The following RPS6KA5 variants were observed in gnomAD, a reference collection of about 807,000 sequenced individuals.
RPS6KA5 encodes the protein ribosomal protein S6 kinase alpha-5.
In RPS6KA5, 27 loss-of-function variants were observed where a neutral mutation model predicts 85.5. The ratio of observed to expected loss-of-function variants is 0.32; its 90% confidence interval spans 0.23 to 0.44. The LOEUF is 0.44. RPS6KA5 is among the 20% of genes least tolerant of loss of function. RPS6KA5 has a pLI of 1.00. For missense variants in RPS6KA5, 811 were observed against 980.9 expected, an observed-to-expected ratio of 0.83 and a Z score of 2.31; for synonymous variants, 334 against 348.2, an observed-to-expected ratio of 0.96 and a Z score of 0.46.
chr14:91,026,737 T>G (rs181185152), intron 1 of RPS6KA5, among the ~76,000 whole-genome samples: 10 of 152,368 alleles, frequency 6.6e-5, no homozygotes, highest in Non-Finnish European at 1.2e-4. Context: ...CTAATTTACA[T>G]TCTCATCAAT....
intron 5 of RPS6KA5, among the ~76,000 whole-genome samples, chr14:90,927,177 AATAG>A (rs2036721561): frequency 6.6e-6 from 1 of 152,150 alleles, no homozygotes; most frequent in Non-Finnish European, 1.5e-5. Flanking sequence ...TGTGTATAAA[AATAG>A]ATAAGTAAAT....
intron 2 of RPS6KA5, among the ~76,000 whole-genome samples, chr14:90,983,787 T>TTCTTTCTCTC (rs1376090596): frequency 7.7e-6 from 1 of 129,414 alleles, no homozygotes; most frequent in East Asian, 2.4e-4. Flanking sequence ...CTTTCTTTCT[T>TTCTTTCTCTC]TCTCTCTCTC....
chr14:90,941,002 G>C (rs1455068614), intron 5 of RPS6KA5, among the ~76,000 whole-genome samples: 1 of 152,136 alleles, frequency 6.6e-6, no homozygotes, highest in Non-Finnish European at 1.5e-5. Context: ...GTTGGGGACT[G>C]CTGATCTAGC....
chr14:90,890,755 T>C, intron 13 of RPS6KA5, 77 bp from the exon 14 acceptor site: 1 of 1,311,764 alleles, frequency 7.6e-7, no homozygotes. Flanking sequence ...ATGTAACACT[T>C]TGTATATTGA....
intron 1 of RPS6KA5, among the ~76,000 whole-genome samples, chr14:91,030,308 T>G (rs961151808): frequency 6.6e-6 from 1 of 152,034 alleles, no homozygotes; most frequent in African/African-American, 2.4e-5. Context: ...AAGGATGAGG[T>G]AAGAACGGAA....
chr14:91,034,230 G>A (rs12896063), intron 1 of RPS6KA5, among the ~76,000 whole-genome samples: 77,596 of 151,220 alleles, frequency 0.51, 20,287 homozygotes, highest in East Asian at 0.56. Context: ...GCTTGAACCC[G>A]GGAGGCAGAG....
chr14:91,024,940 G>C (rs1211199656), intron 1 of RPS6KA5, among the ~76,000 whole-genome samples: 1 of 151,922 alleles, frequency 6.6e-6, no homozygotes, highest in Admixed American at 6.6e-5. Context: ...GGAGTGCAGT[G>C]GTGTGATCTC....
At chr14:90,970,485 T>A (rs1271865083) in intron 3 of RPS6KA5, among the ~76,000 whole-genome samples, 21 of 152,232 alleles carry the variant, frequency 1.4e-4, no homozygotes, top group Admixed American at 1.4e-3. Context: ...CATTCATTAT[T>A]GGGAATGATC....
At chr14:90,967,417 C>A (rs1051544523) in intron 3 of RPS6KA5, among the ~76,000 whole-genome samples, 4 of 152,002 alleles carry the variant, frequency 2.6e-5, no homozygotes, top group Admixed American at 1.3e-4. Context: ...ACTAATAGCT[C>A]CTATTATTAT....
Position 90,853,733 on chromosome 14 carries a change from A to G in RPS6KA5, c.*18341T>C. The G allele has an allele frequency of 6.6e-6, 1 of 151,968 alleles. No homozygotes were observed. The highest frequency in any genetic ancestry group is 1.9e-4 in the East Asian group (1 of 5,194). 9.4% of individuals were successfully genotyped at this position (151,968 alleles called of 1,614,324 possible). ...AGTCTCTATATTAAATCAAAATCGT[A>G]ACCATCTTGAAAGCTAAATTAAAAT... On this transcript the variant is annotated 3_prime_UTR_variant, in exon 17 of 17. Coordinates refer to ENST00000614987, the MANE Select transcript of RPS6KA5 (RefSeq NM_004755.4).
Position 90,852,086 on chromosome 14 carries a change from T to A in RPS6KA5, c.*19988A>T, listed in dbSNP as rs2032027523. Reference sequence around the variant, plus strand: ...GTATCTTTTCTTTAAAAAATCACTTTTTTTTTTTTTTTTTTTTTTTTAAGA... The same window carrying A: ...GTATCTTTTCTTTAAAAAATCACTTATTTTTTTTTTTTTTTTTTTTTAAGA... On this transcript the variant is annotated 3_prime_UTR_variant, in exon 17 of 17. Coordinates refer to ENST00000614987, the MANE Select transcript of RPS6KA5 (RefSeq NM_004755.4). 9.3e-6 allele frequency: 1 copy of A among 107,974 alleles called. No individual in the cohort carries two copies. The highest frequency in any genetic ancestry group is 5.9e-5 in the African/African-American group (1 of 16,886). The allele number at this position is 107,974 out of a possible 1,614,324, so 6.7% of individuals were successfully genotyped here. A position where few individuals can be genotyped will look rare whatever the true frequency, so the allele number is the denominator to read the frequency against.
In RPS6KA5 at chr14:91,001,078, T is replaced by C. The variant is rs1335158147; in HGVS notation, c.175+10A>G. The C allele has an allele frequency of 1.3e-6, 2 of 1,496,438 alleles. No homozygotes were observed. The highest frequency in any genetic ancestry group is 2.8e-5 in the African/African-American group (2 of 71,260). 92.7% of individuals were successfully genotyped at this position (1,496,438 alleles called of 1,614,324 possible). A position where few individuals can be genotyped will look rare whatever the true frequency, so the allele number is the denominator to read the frequency against. ...TTTTTTTCCTTAAATATAATTAACTTAAGACTTACCTCCAGTTCCTAGGAC... is the reference window on the plus strand; with the variant it reads ...TTTTTTTCCTTAAATATAATTAACTCAAGACTTACCTCCAGTTCCTAGGAC... On this transcript the variant is annotated intron_variant, in intron 2 of 16. Coordinates refer to ENST00000614987, the MANE Select transcript of RPS6KA5 (RefSeq NM_004755.4).
At chr14:91,052,799 A>G (rs573284454) in intron 1 of RPS6KA5, among the ~76,000 whole-genome samples, 1 of 146,082 alleles carries the variant, frequency 6.8e-6, no homozygotes, top group Non-Finnish European at 1.5e-5. Context: ...GCGTCACTGT[A>G]CTCCAGCCTG....
At chr14:90,943,257 A>T in intron 4 of RPS6KA5, 72 bp from the exon 5 acceptor site, 3 of 795,492 alleles carry the variant, frequency 3.8e-6, no homozygotes, top group South Asian at 1.8e-5. Flanking sequence ...TTTCTCGTCT[A>T]CCTTTATTTA....
chr14:90,910,482 A>G (rs1265997212), intron 7 of RPS6KA5, among the ~76,000 whole-genome samples: 2 of 151,712 alleles, frequency 1.3e-5, no homozygotes, highest in African/African-American at 4.9e-5. Context: ...TGAGTGTGTG[A>G]GTGTCCACTG....
intron 16 of RPS6KA5, 68 bp downstream of exon 16, chr14:90,873,564 C>A: frequency 7.4e-7 from 1 of 1,352,442 alleles, no homozygotes; most frequent in East Asian, 2.3e-5. Flanking sequence ...TCTGAGGCTA[C>A]AGAGTAAGAA....
intron 3 of RPS6KA5, among the ~76,000 whole-genome samples, chr14:90,951,328 A>C (rs1021454851): frequency 6.6e-6 from 1 of 151,958 alleles, no homozygotes; most frequent in East Asian, 1.9e-4. Flanking sequence ...CTAAAAATAC[A>C]AAACAAAATT....
intron 1 of RPS6KA5, among the ~76,000 whole-genome samples, chr14:91,044,425 GAAAGAAAGAAAGAA>G (rs2042778105): frequency 2.4e-5 from 3 of 123,354 alleles, no homozygotes; most frequent in Non-Finnish European, 3.4e-5. Flanking sequence ...AAGAAAGAAA[GAAAGAAAGAAAGAA>G]AGAAAGAAAA....
At chr14:91,031,702 A>T (rs1156553386) in intron 1 of RPS6KA5, among the ~76,000 whole-genome samples, 1 of 152,104 alleles carries the variant, frequency 6.6e-6, no homozygotes, top group East Asian at 1.9e-4. Context: ...AGGAAAAACA[A>T]CCAAAAAAAA....
Sources: allele counts gnomAD v4.1 joint callset (sites outside exome capture counted in the v4.1 genomes callset), GRCh38; gene constraint gnomAD v4.1.1; transcripts MANE v1.5; gene names NCBI Gene and HGNC (gene_info 2026-07-23, HGNC 2026-07-21).